KAZN: variants seen among roughly 807,000 people sequenced by gnomAD.
The protein encoded by KAZN is kazrin, periplakin interacting protein.
In KAZN, 40 loss-of-function variants were observed where a neutral mutation model predicts 87.4. The observed-to-expected ratio is 0.46, with a 90% CI of 0.36 to 0.60. KAZN has a LOEUF of 0.60. KAZN is among the 20% of genes least tolerant of loss of function. KAZN has a pLI of 0.00. For missense variants in KAZN, 898 were observed against 1,073.9 expected (o/e 0.84, Z 2.29); for synonymous variants, 466 against 458.3 (o/e 1.02, Z -0.22).
At chr1:14,493,323 G>C (rs1211728839) in intron 2 of KAZN, among the ~76,000 whole-genome samples, 1 of 152,240 alleles carries the variant, frequency 6.6e-6, no homozygotes, top group Admixed American at 6.5e-5. Flanking sequence ...AACGGAAGAT[G>C]AAAGCAACAC....
chr1:14,339,815 T>C (rs1045737308), intron 2 of KAZN, among the ~76,000 whole-genome samples: 2 of 152,206 alleles, frequency 1.3e-5, no homozygotes, highest in African/African-American at 4.8e-5. Flanking sequence ...GCTAGTCCAG[T>C]TGACACATAA....
intron 2 of KAZN, among the ~76,000 whole-genome samples, chr1:14,213,747 G>T (rs1323443507): frequency 6.6e-6 from 1 of 152,204 alleles, no homozygotes; most frequent in African/African-American, 2.4e-5. Context: ...GTTGGGGGGA[G>T]ACTAGTCTAT....
chr1:14,761,195 C>G (rs535265377), intron 1 of KAZN, among the ~76,000 whole-genome samples: 3 of 152,120 alleles, frequency 2.0e-5, no homozygotes, highest in African/African-American at 7.2e-5. Context: ...CTGTGCCTAC[C>G]GTTCCCTCTG....
chr1:15,011,103 G>C (rs775578527), intron 2 of KAZN, among the ~76,000 whole-genome samples: 1 of 152,168 alleles, frequency 6.6e-6, no homozygotes, highest in Non-Finnish European at 1.5e-5. Flanking sequence ...AGATATTAAC[G>C]TGTTAATAAA....
chr1:14,115,746 A>G (rs1013901456), intron 1 of KAZN, among the ~76,000 whole-genome samples: 19 of 150,592 alleles, frequency 1.3e-4, no homozygotes, highest in African/African-American at 4.6e-4. Flanking sequence ...GAGGGCTCAG[A>G]AGAAGACAGG....
At chr1:13,982,567 G>A (rs531349418) in intron 1 of KAZN, among the ~76,000 whole-genome samples, 50 of 152,266 alleles carry the variant, frequency 3.3e-4, no homozygotes, top group African/African-American at 1.1e-3. Flanking sequence ...CTGCTGGCTC[G>A]GGCAGCCTGC....
intron 2 of KAZN, among the ~76,000 whole-genome samples, chr1:14,985,101 A>T (rs1346164312): frequency 6.6e-6 from 1 of 150,434 alleles, no homozygotes. Context: ...ATGCCACTGC[A>T]CTCCAGCCTG....
At chr1:14,101,612 T>C (rs550099009) in intron 1 of KAZN, among the ~76,000 whole-genome samples, 3 of 152,318 alleles carry the variant, frequency 2.0e-5, no homozygotes, top group Non-Finnish European at 4.4e-5. Flanking sequence ...TGGACATTTG[T>C]GTTGTCTAAG....
At chr1:13,943,991 G>A (rs912995893) in intron 1 of KAZN, among the ~76,000 whole-genome samples, 20 of 149,290 alleles carry the variant, frequency 1.3e-4, no homozygotes, top group African/African-American at 5.0e-4. Flanking sequence ...AAAGGTAAAG[G>A]TAAAACTATC....
At chr1:14,178,108 A>G (rs1260051071) in intron 1 of KAZN, among the ~76,000 whole-genome samples, 3 of 152,044 alleles carry the variant, frequency 2.0e-5, no homozygotes, top group Admixed American at 6.5e-5. Flanking sequence ...AGCATCTGGC[A>G]TTTCCCCTGC....
chr1:14,381,751 T>C (rs2101050748), intron 2 of KAZN, among the ~76,000 whole-genome samples: 1 of 152,298 alleles, frequency 6.6e-6, no homozygotes, highest in African/African-American at 2.4e-5. Context: ...AAGCCTTTTC[T>C]CTAAGATCAG....
rs1246938078 is a variant in KAZN, at chr1:14,498,052, G to A, written c.250-100931G>A. Among the ~76,000 whole-genome samples the A allele has an allele frequency of 3.9e-5, 6 of 152,174 alleles. No individual in the cohort carries two copies. In the South Asian group the frequency reaches 1.0e-3, roughly 26 times the overall value. Reference sequence around the variant, plus strand: ...AAGCTGCTTCTCCTTCACCTCATTCGTATTCAATGTCTGGGACTCAGTTCA... The same window carrying A: ...AAGCTGCTTCTCCTTCACCTCATTCATATTCAATGTCTGGGACTCAGTTCA... On this transcript the variant is annotated intron_variant, in intron 2 of 16. Transcript: ENST00000636203.
chr1:14,188,745 G>A (rs1040600872), intron 2 of KAZN, among the ~76,000 whole-genome samples: 1 of 152,126 alleles, frequency 6.6e-6, no homozygotes, highest in Non-Finnish European at 1.5e-5. Flanking sequence ...CATGCACTCA[G>A]GAAATGTAAA....
rs983503099 is a variant in KAZN, at chr1:13,912,374, G to A, written c.91+18618G>A. On this transcript the variant is annotated intron_variant, in intron 1 of 16. Transcript: ENST00000636203. ...TGTGGGCACACACTTCAGATAAAAG[G>A]CCACATGAAACCGTGTGCTGCTTGA... Among the ~76,000 whole-genome samples, 4 of 152,252 alleles carry A rather than the reference G, an allele frequency of 2.6e-5. No homozygotes were observed. In the South Asian group the frequency reaches 6.2e-4, roughly 24 times the overall value.
intron 2 of KAZN, among the ~76,000 whole-genome samples, chr1:14,309,023 G>A (rs1358748940): frequency 6.6e-6 from 1 of 152,208 alleles, no homozygotes; most frequent in Non-Finnish European, 1.5e-5. Flanking sequence ...GTCAAAATGT[G>A]TGGAGTCTCA....
chr1:14,375,432 C>G (rs192697572), intron 2 of KAZN, among the ~76,000 whole-genome samples: 161 of 152,270 alleles, frequency 1.1e-3, no homozygotes, highest in African/African-American at 3.7e-3. Flanking sequence ...GTATTTAGAG[C>G]CATACCGTAG....
At chr1:14,715,255 G>T (rs1045101836) in intron 1 of KAZN, among the ~76,000 whole-genome samples, 1 of 152,200 alleles carries the variant, frequency 6.6e-6, no homozygotes, top group Non-Finnish European at 1.5e-5. Flanking sequence ...CAGAATAGTG[G>T]CTGGAAAAGG....
intron 2 of KAZN, among the ~76,000 whole-genome samples, chr1:15,020,587 G>A (rs1440520169): frequency 2.0e-5 from 3 of 152,104 alleles, no homozygotes; most frequent in African/African-American, 4.8e-5. Context: ...GCTCTTCTGC[G>A]TCACGTGTGG....
At chr1:13,978,345 T>C (rs534745257) in intron 1 of KAZN, among the ~76,000 whole-genome samples, 1 of 151,702 alleles carries the variant, frequency 6.6e-6, no homozygotes, top group African/African-American at 2.4e-5. Flanking sequence ...GACCTGAAAA[T>C]CACAAGAAGA....
Sources: gnomAD v4.1 joint callset for allele counts (sites outside exome capture counted in the v4.1 genomes callset) on GRCh38, gnomAD v4.1.1 for gene constraint, MANE v1.5 for transcripts, NCBI Gene and HGNC (gene_info 2026-07-23, HGNC 2026-07-21) for gene names.